Variants in CSE1L observed in about 807,000 individuals in gnomAD.
CSE1L encodes the protein exportin-2.
In CSE1L, 24 loss-of-function variants were observed where a neutral mutation model predicts 120.4. The observed-to-expected ratio is 0.20, with a 90% CI of 0.14 to 0.28. The LOEUF (loss-of-function observed/expected upper bound fraction) is 0.28, where lower values mean the gene tolerates loss of function less well. CSE1L is among the 10% of genes least tolerant of loss of function. CSE1L has a pLI of 1.00. For synonymous variants in CSE1L, 402 were observed against 398.3 expected, an observed-to-expected ratio of 1.01 and a Z score of -0.11; for missense variants, 830 against 1,145.2, an observed-to-expected ratio of 0.72 and a Z score of 3.97.
At chr20:49,072,746 G>GT (rs746992258) in intron 10 of CSE1L, 49 bp downstream of exon 10, 11 of 1,511,548 alleles carry the variant, frequency 7.3e-6, no homozygotes, top group South Asian at 1.3e-5. Context: ...GTCTGTGTTT[G>GT]TTTTTTGTAA....
chr20:49,095,705 T>C (rs987197818), intron 24 of CSE1L, among the ~76,000 whole-genome samples: 2 of 152,276 alleles, frequency 1.3e-5, no homozygotes, highest in Middle Eastern at 6.8e-3. Flanking sequence ...GCACTTATTA[T>C]AGAGTTCTTA....
At chr20:49,069,449 T>G (rs1328408145) in intron 7 of CSE1L, among the ~76,000 whole-genome samples, 2 of 152,224 alleles carry the variant, frequency 1.3e-5, no homozygotes, top group Non-Finnish European at 2.9e-5. Flanking sequence ...GTTGCTATAC[T>G]GCGATGCAAG....
intron 9 of CSE1L, 23 bp from the exon 10 acceptor site, chr20:49,072,545 C>T: frequency 6.2e-7 from 1 of 1,603,214 alleles, no homozygotes; most frequent in Non-Finnish European, 8.5e-7. Flanking sequence ...TAAAAATATT[C>T]TTGTTTTTGT....
At chr20:49,050,385 ATTTTTTTTTTTTTT>A (rs1243770980) in intron 1 of CSE1L, among the ~76,000 whole-genome samples, 1 of 79,018 alleles carries the variant, frequency 1.3e-5, no homozygotes, top group Admixed American at 1.5e-4. Flanking sequence ...AGCCCAGCTA[ATTTTTTTTTTTTTT>A]TTTTTTTTTT....
chr20:49,067,842 TC>T (rs2091904735), intron 6 of CSE1L, among the ~76,000 whole-genome samples: 1 of 151,658 alleles, frequency 6.6e-6, no homozygotes, highest in Admixed American at 6.6e-5. Flanking sequence ...CTCAGGTGAT[TC>T]TCCCACCTCA....
chr20:49,047,188 T>A (rs1228090015), intron 1 of CSE1L, among the ~76,000 whole-genome samples: 1 of 152,252 alleles, frequency 6.6e-6, no homozygotes, highest in South Asian at 2.1e-4. Flanking sequence ...GTTAGGGGTG[T>A]AACTTGAGGC....
intron 1 of CSE1L, among the ~76,000 whole-genome samples, chr20:49,047,568 T>TC (rs1568757289): frequency 4.3e-5 from 2 of 46,080 alleles, no homozygotes; most frequent in East Asian, 9.2e-4. Context: ...TCTTTTCTTT[T>TC]TTTTTTTTTT....
chr20:49,081,884 C>T (rs750848065), intron 14 of CSE1L, among the ~76,000 whole-genome samples: 3 of 152,142 alleles, frequency 2.0e-5, no homozygotes, highest in Non-Finnish European at 4.4e-5. Context: ...AAATAATCCT[C>T]ACAAATCTTA....
In CSE1L at chr20:49,047,575, T is replaced by C. The variant is rs1394668321; in HGVS notation, c.-12+1152T>C. Among the ~76,000 whole-genome samples, 144 of 85,790 alleles carry C rather than the reference T, an allele frequency of 1.7e-3. 4 individuals carry two copies. Among genetic ancestry groups the C allele is most frequent in the Non-Finnish European group, 2.8e-3 (112 of 40,478 alleles). The allele number at this position is 85,790 out of a possible 152,430, so 56.3% of individuals were successfully genotyped here. ...TTCTTTTCTCTTTTCTTTTTTTTTTTTTTTTTTTTTTTTTTTTGAGAGAGA... is the reference window on the plus strand; with the variant it reads ...TTCTTTTCTCTTTTCTTTTTTTTTTCTTTTTTTTTTTTTTTTTGAGAGAGA... On this transcript the variant is annotated intron_variant, in intron 1 of 24. Transcript: ENST00000262982.
chr20:49,079,045 C>T (rs1191632044), intron 14 of CSE1L, among the ~76,000 whole-genome samples: 1 of 152,086 alleles, frequency 6.6e-6, no homozygotes, highest in Admixed American at 6.6e-5. Context: ...GCACCTGCCA[C>T]CACACCTAGC....
intron 22 of CSE1L, among the ~76,000 whole-genome samples, chr20:49,093,539 C>CT (rs2092116629): frequency 6.8e-6 from 1 of 146,094 alleles, no homozygotes; most frequent in South Asian, 2.2e-4. Flanking sequence ...GGGATGATTC[C>CT]TTTTTTCCCT....
At chr20:49,077,265 T>G (rs1318159968) in intron 13 of CSE1L, among the ~76,000 whole-genome samples, 1 of 150,958 alleles carries the variant, frequency 6.6e-6, no homozygotes, top group Non-Finnish European at 1.5e-5. Context: ...GTTCAAGCGA[T>G]TCTCCTGCCT....
At chr20:49,064,381 C>A (rs1359280679) in intron 3 of CSE1L, among the ~76,000 whole-genome samples, 1 of 152,036 alleles carries the variant, frequency 6.6e-6, no homozygotes, top group Non-Finnish European at 1.5e-5. Context: ...TGTTTTAAGC[C>A]TGTATGATTT....
At chr20:49,063,067 A>C (rs563480654) in intron 2 of CSE1L, 135 bp from the exon 3 acceptor site, 2 of 346,236 alleles carry the variant, frequency 5.8e-6, no homozygotes, top group South Asian at 2.1e-4. Flanking sequence ...ATAGATAAGA[A>C]AAGTGAGGCC....
chr20:49,060,555 C>A (rs1213518251), intron 2 of CSE1L, among the ~76,000 whole-genome samples: 1 of 151,770 alleles, frequency 6.6e-6, no homozygotes, highest in Non-Finnish European at 1.5e-5. Flanking sequence ...GAGGGCAGAT[C>A]ACCTGAGGTC....
chr20:49,065,313 A>AGTTTTTTTTTTTTTTTTTTTT (rs775165525), intron 3 of CSE1L, among the ~76,000 whole-genome samples: 2 of 52,080 alleles, frequency 3.8e-5, no homozygotes, highest in East Asian at 1.0e-3. Context: ...TGAAAAAAAA[A>AGTTTTTTTTTTTTTTTTTTTT]TTTTTTTTTT....
chr20:49,053,958 G>C (rs899340190), intron 1 of CSE1L, among the ~76,000 whole-genome samples: 1 of 152,226 alleles, frequency 6.6e-6, no homozygotes, highest in African/African-American at 2.4e-5. Flanking sequence ...CACCAGTGGA[G>C]ACTCTGGATT....
At position 49,068,745 on chromosome 20, in the gene CSE1L, A is replaced by C. The variant is rs1239270642; in HGVS notation, c.598A>C (p.Asn200His). The change falls in exon 7 of 25, where the codon AAT (asparagine) becomes CAT (histidine). Residue 200 changes from asparagine to histidine, a missense_variant. This residue lies in a region of CSE1L where 543 missense variants were observed against 640.2 expected (regional missense o/e 0.85). Transcript: ENST00000262982. The part of the protein sequence containing the change: ...ATIELCSTHA[N>H]DASALRILFS... ...TATTGAACTCTGCAGTACCCATGCAAATGATGCCTCTGCCCTGAGGATTCT... is the reference window on the plus strand; with the variant it reads ...TATTGAACTCTGCAGTACCCATGCACATGATGCCTCTGCCCTGAGGATTCT... 1 of 1,613,914 alleles carries C rather than the reference A, an allele frequency of 6.2e-7. No individual in the cohort carries two copies. Among genetic ancestry groups the C allele is most frequent in the East Asian group, 2.2e-5 (1 of 44,888 alleles).
intron 1 of CSE1L, among the ~76,000 whole-genome samples, chr20:49,056,502 T>C (rs2091808353): frequency 6.6e-6 from 1 of 152,244 alleles, no homozygotes; most frequent in South Asian, 2.1e-4. Flanking sequence ...AGATTATGCA[T>C]GTGTCACCAC....
Sources: gnomAD v4.1 joint callset for allele counts (sites outside exome capture counted in the v4.1 genomes callset) on GRCh38, gnomAD v4.1.1 for gene constraint, gnomAD v4.1.1 regional missense constraint, MANE v1.5 for transcripts, NCBI Gene and HGNC (gene_info 2026-07-23, HGNC 2026-07-21) for gene names.